Variants in TMEM65 observed in about 807,000 individuals in gnomAD.
TMEM65 encodes transmembrane protein 65.
In TMEM65, 22 loss-of-function variants were observed where a neutral mutation model predicts 25.4. That is an observed-to-expected ratio of 0.86 (90% CI 0.62 to 1.23). The LOEUF (loss-of-function observed/expected upper bound fraction) is 1.23, where lower values mean the gene tolerates loss of function less well. TMEM65 is among the 50% of genes most tolerant of loss of function. The pLI is 0.00. For missense variants in TMEM65, 262 were observed against 308.2 expected (o/e 0.85, Z 1.12); for synonymous variants, 132 against 126.2 (o/e 1.05, Z -0.31).
At chr8:124,349,192 T>C (rs1248685820) in intron 1 of TMEM65, among the ~76,000 whole-genome samples, 1 of 152,218 alleles carries the variant, frequency 6.6e-6, no homozygotes, top group Non-Finnish European at 1.5e-5. Flanking sequence ...GAATCAATTG[T>C]ATGTGCATAT....
chr8:124,367,276 T>G (rs991722207), intron 1 of TMEM65, among the ~76,000 whole-genome samples: 6 of 152,026 alleles, frequency 3.9e-5, no homozygotes, highest in Non-Finnish European at 7.4e-5. Flanking sequence ...GAGTTCGAGA[T>G]GAACCTGGCC....
chr8:124,360,353 C>G (rs542683204), intron 1 of TMEM65, among the ~76,000 whole-genome samples: 1 of 150,240 alleles, frequency 6.7e-6, no homozygotes, highest in East Asian at 2.0e-4. Context: ...TCGCTTGAAC[C>G]CAGAAGGCAG....
At chr8:124,328,998 T>C (rs1474505031) in intron 2 of TMEM65, among the ~76,000 whole-genome samples, 1 of 152,028 alleles carries the variant, frequency 6.6e-6, no homozygotes, top group Non-Finnish European at 1.5e-5. Flanking sequence ...AGAATACTAT[T>C]ATATTCAATA....
chr8:124,323,060 C>T (rs149616816), intron 4 of TMEM65, among the ~76,000 whole-genome samples: 2 of 151,996 alleles, frequency 1.3e-5, no homozygotes, highest in African/African-American at 2.4e-5. Context: ...AGGGGTAACA[C>T]TGAATTGCCA....
chr8:124,355,747 C>A (rs939101234), intron 1 of TMEM65, among the ~76,000 whole-genome samples: 1 of 152,096 alleles, frequency 6.6e-6, no homozygotes, highest in African/African-American at 2.4e-5. Flanking sequence ...ATCAACTGGC[C>A]CTAAATCAAA....
At position 124,319,854 on chromosome 8, in the gene TMEM65, C is replaced by T. The variant is rs559780337; in HGVS notation, c.621+232G>A. 2.0e-5 allele frequency among the ~76,000 whole-genome samples: 3 copies of T among 152,180 alleles called. No individual in the cohort carries two copies. In the South Asian group the frequency reaches 6.2e-4, roughly 32 times the overall value. The stretch of plus-strand genomic sequence containing the variant: ...TAGACCCCAACCTATAAGAGATACT[C>T]CCTAATACTAAGTGAATTACAAAAT... On this transcript the variant is annotated intron_variant, in intron 6 of 6. Transcript: ENST00000297632.
intron 1 of TMEM65, among the ~76,000 whole-genome samples, chr8:124,350,704 A>AG (rs1767813599): frequency 6.6e-6 from 1 of 152,130 alleles, no homozygotes; most frequent in African/African-American, 2.4e-5. Flanking sequence ...AATATTCTGA[A>AG]GGTTCCACTG....
intron 1 of TMEM65, among the ~76,000 whole-genome samples, chr8:124,367,211 C>T (rs1489195229): frequency 6.6e-6 from 1 of 152,194 alleles, no homozygotes; most frequent in Non-Finnish European, 1.5e-5. Flanking sequence ...ACGGTGCTCA[C>T]AGCTGTAATC....
chr8:124,363,259 G>A (rs1814894670), intron 1 of TMEM65, among the ~76,000 whole-genome samples: 1 of 152,114 alleles, frequency 6.6e-6, no homozygotes, highest in Admixed American at 6.6e-5. Flanking sequence ...AAGAAATGAT[G>A]TTTAATCTTC....
chr8:124,318,295 T>C (rs973949624), intron 6 of TMEM65, among the ~76,000 whole-genome samples: 7 of 151,752 alleles, frequency 4.6e-5, no homozygotes, highest in African/African-American at 1.7e-4. Context: ...ATTTAAGCTA[T>C]TCCTGATCTG....
intron 6 of TMEM65, 69 bp from the exon 7 acceptor site, chr8:124,314,130 C>T: frequency 8.4e-7 from 1 of 1,192,194 alleles, no homozygotes; most frequent in Non-Finnish European, 1.2e-6. Context: ...GAGAAAAAAT[C>T]TCACCAGCTC....
intron 2 of TMEM65, among the ~76,000 whole-genome samples, chr8:124,329,009 T>C (rs1353016234): frequency 6.6e-6 from 1 of 151,972 alleles, no homozygotes; most frequent in African/African-American, 2.4e-5. Flanking sequence ...ATATTCAATA[T>C]TATTATAGCT....
Position 124,313,036 on chromosome 8 carries a change from T to C in TMEM65, c.*924A>G, listed in dbSNP as rs1324974557. 3 of 151,828 alleles carry C rather than the reference T, an allele frequency of 2.0e-5. No individual in the cohort carries two copies. Among genetic ancestry groups the C allele is most frequent in the Non-Finnish European group, 4.4e-5 (3 of 67,806 alleles). The allele number at this position is 151,828 out of a possible 1,614,324, so 9.4% of individuals were successfully genotyped here. A position where few individuals can be genotyped will look rare whatever the true frequency, so the allele number is the denominator to read the frequency against. ...ATCTCATTAATCTTTCAAACATCAC[T>C]TCAACTTCATCATTTATACCATAAA... On this transcript the variant is annotated 3_prime_UTR_variant, in exon 7 of 7. Transcript: ENST00000297632.
intron 1 of TMEM65, among the ~76,000 whole-genome samples, chr8:124,367,257 T>C (rs1035107730): frequency 2.6e-5 from 4 of 152,172 alleles, no homozygotes; most frequent in African/African-American, 9.7e-5. Flanking sequence ...GTGGATCACC[T>C]GAGGTCAGGA....
At chr8:124,357,253 C>T (rs917906379) in intron 1 of TMEM65, among the ~76,000 whole-genome samples, 9 of 152,102 alleles carry the variant, frequency 5.9e-5, no homozygotes, top group Admixed American at 3.3e-4. Flanking sequence ...TTGACTCTTA[C>T]TCTGGAGCTC....
At chr8:124,326,873 G>A (rs1814371723) in intron 3 of TMEM65, among the ~76,000 whole-genome samples, 1 of 151,876 alleles carries the variant, frequency 6.6e-6, no homozygotes, top group Admixed American at 6.6e-5. Flanking sequence ...AAGGCAAAAG[G>A]GAGATACAGT....
chr8:124,351,881 C>T (rs1814713245), intron 1 of TMEM65, among the ~76,000 whole-genome samples: 1 of 152,156 alleles, frequency 6.6e-6, no homozygotes, highest in South Asian at 2.1e-4. Context: ...TTACACTTCC[C>T]AGAATTTCAC....
In TMEM65 at chr8:124,372,364, G is replaced by T; in HGVS notation, c.-207C>A. The T allele has an allele frequency of 3.8e-6, 1 of 259,932 alleles. No individual in the cohort carries two copies. The highest frequency in any genetic ancestry group is 6.4e-6 in the Non-Finnish European group (1 of 156,674). 16.1% of individuals were successfully genotyped at this position (259,932 alleles called of 1,614,324 possible). The stretch of plus-strand genomic sequence containing the variant: ...CTTCCTTTCCAAAAGGCCCGCGGCG[G>T]CTCCCGCCCCTCCGATGGGAAAAAC... On this transcript the variant is annotated 5_prime_UTR_variant, in exon 1 of 7. Transcript: ENST00000297632.
intron 1 of TMEM65, among the ~76,000 whole-genome samples, chr8:124,370,252 C>G (rs569850072): frequency 6.6e-6 from 1 of 152,110 alleles, no homozygotes; most frequent in Non-Finnish European, 1.5e-5. Context: ...AGAACTGCCA[C>G]AAAACTATAT....
Sources: allele counts gnomAD v4.1 joint callset (sites outside exome capture counted in the v4.1 genomes callset), GRCh38; gene constraint gnomAD v4.1.1; transcripts MANE v1.5; gene names NCBI Gene and HGNC (gene_info 2026-07-23, HGNC 2026-07-21).